Variants in CNST observed in about 807,000 individuals in gnomAD.
CNST encodes consortin.
CNST carries 39 observed loss-of-function variants against 72.4 expected under a neutral mutation model. The ratio of observed to expected loss-of-function variants is 0.54; its 90% confidence interval spans 0.42 to 0.70. CNST has a LOEUF of 0.70. Among genes scored for constraint, CNST ranks in the 30% least tolerant of loss-of-function variants. The probability of loss-of-function intolerance (pLI) is 0.00; values close to 1 mark genes in which losing one functional copy is unlikely to be tolerated. For synonymous variants in CNST, 332 were observed against 320.1 expected (o/e 1.04, Z -0.40); for missense variants, 871 against 868.5 (o/e 1.00, Z -0.04).
rs776883175 is a variant in CNST at position 246,641,758 on chromosome 1, A to G, written c.828A>G (p.Leu276=). The change falls in exon 7 of 11, where the codon TTA becomes TTG. Residue 276 remains leucine (L), a synonymous_variant. Transcript: ENST00000366513. The stretch of plus-strand genomic sequence containing the variant: ...TTCTTTTTTCCTACAGTCCTCTTTT[A>G]TCCAAACATAAGGTAAGAGATTGTT... ...KICATHQDPL[L]SKHKIAAVEK... is the part of the protein sequence containing the mutation. 1 of 1,353,814 alleles carries G rather than the reference A, an allele frequency of 7.4e-7. No homozygotes were observed. Among genetic ancestry groups the G allele is most frequent in the South Asian group, 1.2e-5 (1 of 81,532 alleles). The allele number at this position is 1,353,814 out of a possible 1,614,324, so 83.9% of individuals were successfully genotyped here.
intron 6 of CNST, among the ~76,000 whole-genome samples, chr1:246,640,050 G>A (rs1242111252): frequency 6.6e-6 from 1 of 152,198 alleles, no homozygotes; most frequent in East Asian, 1.9e-4. Flanking sequence ...CCTGAGGAGG[G>A]AGGAGTTATT....
At chr1:246,573,728 G>A (rs1660205424) in intron 1 of CNST, among the ~76,000 whole-genome samples, 1 of 152,144 alleles carries the variant, frequency 6.6e-6, no homozygotes, top group African/African-American at 2.4e-5. Context: ...CTGGGCTGAG[G>A]AAACATATTC....
chr1:246,667,682 G>A lies in CNST; in HGVS notation c.*1777G>A, dbSNP rs997370295. ...TATGTAAAATATGTAAAATGTTGACGGTACTATATTAAGTGGTTCTATAAA... is the reference window on the plus strand; with the variant it reads ...TATGTAAAATATGTAAAATGTTGACAGTACTATATTAAGTGGTTCTATAAA... On this transcript the variant is annotated 3_prime_UTR_variant, in exon 11 of 11. Transcript: ENST00000366513. 3 of 152,006 alleles carry A rather than the reference G, an allele frequency of 2.0e-5. No homozygotes were observed. Among genetic ancestry groups the A allele is most frequent in the East Asian group, 1.9e-4 (1 of 5,200 alleles). 9.4% of individuals were successfully genotyped at this position (152,006 alleles called of 1,614,324 possible).
rs982266176 is a variant in CNST at position 246,572,282 on chromosome 1, G to C, written c.-52+5619G>C. Among the ~76,000 whole-genome samples the C allele has an allele frequency of 3.9e-5, 6 of 152,154 alleles. No homozygotes were observed. The East Asian group carries it at 9.6e-4, about 24-fold the overall frequency. On this transcript the variant is annotated intron_variant, in intron 1 of 10. Coordinates refer to ENST00000366513, the MANE Select transcript of CNST (RefSeq NM_152609.3). ...GAATTAAATACTTTTTTATATTATA[G>C]ATTTTGAAATAAGTTATTAAAAAAT...
intron 4 of CNST, among the ~76,000 whole-genome samples, chr1:246,633,723 A>G (rs145783680): frequency 0.01 from 1,525 of 151,892 alleles, 15 homozygotes; most frequent in Middle Eastern, 0.014. Context: ...AGCCTGGACT[A>G]CAGAGCAAGA....
intron 9 of CNST, among the ~76,000 whole-genome samples, chr1:246,656,481 G>A (rs1003691902): frequency 1.3e-5 from 2 of 152,118 alleles, no homozygotes; most frequent in Admixed American, 1.3e-4. Context: ...TTATAGCTCA[G>A]ACATTCTTTT....
In CNST at chr1:246,633,994, C is replaced by T. The variant is rs117586174; in HGVS notation, c.687C>T (p.Ala229=). The change falls in exon 5 of 11, where the codon GCC becomes GCT. Residue 229 remains alanine (A), a synonymous_variant. Coordinates refer to ENST00000366513, the MANE Select transcript of CNST (RefSeq NM_152609.3). Reference sequence around the variant, plus strand: ...AGCAATTGCTCGCAAATCTTTCTGCCATTCAAGAACAGTGGGGTAAGTACA... The same window carrying T: ...AGCAATTGCTCGCAAATCTTTCTGCTATTCAAGAACAGTGGGGTAAGTACA... The part of the protein sequence containing the change: ...YHEQLLANLS[A]IQEQWETKWK... 573 of 1,610,432 alleles carry T rather than the reference C, an allele frequency of 3.6e-4. 1 individual carries two copies. The East Asian group carries it at 8.3e-3, about 23-fold the overall frequency.
At chr1:246,574,628 C>T (rs922418193) in intron 1 of CNST, among the ~76,000 whole-genome samples, 2 of 151,794 alleles carry the variant, frequency 1.3e-5, no homozygotes, top group Non-Finnish European at 2.9e-5. Flanking sequence ...CCTGTGTTGC[C>T]CCAGCTGGTC....
At chr1:246,654,773 C>G (rs957667783) in intron 9 of CNST, among the ~76,000 whole-genome samples, 5 of 151,792 alleles carry the variant, frequency 3.3e-5, no homozygotes, top group African/African-American at 1.2e-4. Flanking sequence ...AGCTACATTA[C>G]TCAAACAAGT....
At chr1:246,609,526 G>A (rs1005327641) in intron 2 of CNST, among the ~76,000 whole-genome samples, 7 of 152,170 alleles carry the variant, frequency 4.6e-5, no homozygotes, top group African/African-American at 1.7e-4. Context: ...GCAGTGAGCC[G>A]AGATCATGCC....
At chr1:246,627,657 A>C (rs1357978274) in intron 3 of CNST, among the ~76,000 whole-genome samples, 2 of 152,258 alleles carry the variant, frequency 1.3e-5, no homozygotes, top group East Asian at 3.9e-4. Context: ...CTTTTCTATC[A>C]TTTTCCTGTT....
At chr1:246,602,041 G>A (rs1210813915) in intron 2 of CNST, among the ~76,000 whole-genome samples, 1 of 152,158 alleles carries the variant, frequency 6.6e-6, no homozygotes, top group Admixed American at 6.5e-5. Flanking sequence ...CTACTTATAA[G>A]AGGACCCTAA....
At chr1:246,634,324 TAA>T (rs1376798651) in intron 5 of CNST, 147 bp from the exon 6 acceptor site, 3 of 575,528 alleles carry the variant, frequency 5.2e-6, no homozygotes, top group Non-Finnish European at 9.1e-6. Context: ...TGAAAAGTAA[TAA>T]GTTAGTTATT....
chr1:246,642,573 A>G (rs1006549328), intron 8 of CNST, among the ~76,000 whole-genome samples: 2 of 152,000 alleles, frequency 1.3e-5, no homozygotes, highest in Non-Finnish European at 2.9e-5. Flanking sequence ...GATGTATTTC[A>G]TACCACCTTG....
intron 2 of CNST, among the ~76,000 whole-genome samples, chr1:246,595,582 T>TA (rs1367045371): frequency 6.6e-6 from 1 of 152,230 alleles, no homozygotes; most frequent in African/African-American, 2.4e-5. Context: ...AGCTCCTAAG[T>TA]AAATAAAGTT....
chr1:246,575,145 C>T (rs1299984414), intron 1 of CNST, among the ~76,000 whole-genome samples: 11 of 152,142 alleles, frequency 7.2e-5, no homozygotes, highest in South Asian at 2.1e-4. Flanking sequence ...AGGCACCCGC[C>T]GCCAAGCCTG....
At chr1:246,661,057 C>T (rs1434316073) in intron 10 of CNST, among the ~76,000 whole-genome samples, 8 of 152,068 alleles carry the variant, frequency 5.3e-5, no homozygotes, top group Admixed American at 2.0e-4. Context: ...TCAACCTCCA[C>T]CTCCCAGGTT....
chr1:246,574,072 C>T (rs141803892), intron 1 of CNST, among the ~76,000 whole-genome samples: 1 of 152,184 alleles, frequency 6.6e-6, no homozygotes, highest in African/African-American at 2.4e-5. Context: ...CTGAGTCTCG[C>T]TCTGTTGCCC....
intron 9 of CNST, among the ~76,000 whole-genome samples, chr1:246,657,172 C>T (rs761922828): frequency 1.3e-5 from 2 of 152,092 alleles, no homozygotes; most frequent in African/African-American, 2.4e-5. Flanking sequence ...AGAAAAAATT[C>T]TGTTACAGGT....
Sources: allele counts gnomAD v4.1 joint callset (sites outside exome capture counted in the v4.1 genomes callset), GRCh38; gene constraint gnomAD v4.1.1; transcripts MANE v1.5; gene names NCBI Gene and HGNC (gene_info 2026-07-23, HGNC 2026-07-21).